Variants in MDGA2 observed in about 807,000 individuals in gnomAD.
MDGA2 encodes the protein MAM domain containing glycosylphosphatidylinositol anchor 2, also known as MAM domain-containing glycosylphosphatidylinositol anchor protein 2.
A neutral mutation model predicts 117.8 loss-of-function variants in MDGA2; 40 were observed. That is an observed-to-expected ratio of 0.34 (90% CI 0.26 to 0.44). MDGA2 has a LOEUF of 0.44. MDGA2 is among the 20% of genes least tolerant of loss of function. The probability of loss-of-function intolerance (pLI) is 1.00; values close to 1 mark genes in which losing one functional copy is unlikely to be tolerated. For synonymous variants in MDGA2, 452 were observed against 439.0 expected, an observed-to-expected ratio of 1.03 and a Z score of -0.37; for missense variants, 1,123 against 1,250.6, an observed-to-expected ratio of 0.90 and a Z score of 1.54.
At chr14:47,328,882 T>C (rs1287824068) in intron 1 of MDGA2, among the ~76,000 whole-genome samples, 1 of 152,110 alleles carries the variant, frequency 6.6e-6, no homozygotes, top group African/African-American at 2.4e-5. Context: ...TGGAAGGCAC[T>C]GCATCCCCAA....
At chr14:47,309,446 G>T (rs1423771694) in intron 1 of MDGA2, among the ~76,000 whole-genome samples, 2 of 152,056 alleles carry the variant, frequency 1.3e-5, no homozygotes, top group Admixed American at 6.6e-5. Context: ...ATCAAGAGAA[G>T]GTTATATCTT....
At chr14:47,559,051 A>G (rs937472633) in intron 1 of MDGA2, among the ~76,000 whole-genome samples, 9 of 152,236 alleles carry the variant, frequency 5.9e-5, no homozygotes, top group African/African-American at 2.2e-4. Flanking sequence ...ACATTAATCA[A>G]TAAGACCTTA....
At chr14:46,891,817 C>CT in intron 10 of MDGA2, among the ~76,000 whole-genome samples, 1 of 150,532 alleles carries the variant, frequency 6.6e-6, no homozygotes, top group East Asian at 1.9e-4. Flanking sequence ...AATGACAAGG[C>CT]TTTTTTATAA....
intron 1 of MDGA2, among the ~76,000 whole-genome samples, chr14:47,318,369 A>G (rs150506742): frequency 6.6e-6 from 1 of 152,126 alleles, no homozygotes; most frequent in South Asian, 2.1e-4. Flanking sequence ...CTTTGCATGC[A>G]TGTTGTTCTC....
chr14:47,221,887 A>C (rs1297817073), intron 2 of MDGA2, among the ~76,000 whole-genome samples: 1 of 152,036 alleles, frequency 6.6e-6, no homozygotes, highest in African/African-American at 2.4e-5. Context: ...TTTTAATATA[A>C]GTTTACATTG....
At chr14:46,901,135 A>C (rs1883267726) in intron 10 of MDGA2, among the ~76,000 whole-genome samples, 1 of 140,852 alleles carries the variant, frequency 7.1e-6, no homozygotes, top group Non-Finnish European at 1.5e-5. Flanking sequence ...AACTTGTTAT[A>C]GTAAATTTTA....
Position 46,845,946 on chromosome 14 carries a change from G to T in MDGA2, c.2884-75C>A, listed in dbSNP as rs991953504. On this transcript the variant is annotated intron_variant, in intron 15 of 16. Coordinates refer to ENST00000399232, the MANE Select transcript of MDGA2 (RefSeq NM_001113498.3). ...TCAGTTTCTCTTGAGAAATCAAGGTGACAAAAATAAACTTGTCAGTAATCC... is the reference window on the plus strand; with the variant it reads ...TCAGTTTCTCTTGAGAAATCAAGGTTACAAAAATAAACTTGTCAGTAATCC... 21 of 1,112,554 alleles carry T rather than the reference G, an allele frequency of 1.9e-5. No individual in the cohort carries two copies. In the African/African-American group the frequency reaches 3.1e-4, roughly 17 times the overall value. The allele number at this position is 1,112,554 out of a possible 1,614,324, so 68.9% of individuals were successfully genotyped here. A position where few individuals can be genotyped will look rare whatever the true frequency, so the allele number is the denominator to read the frequency against.
intron 10 of MDGA2, among the ~76,000 whole-genome samples, chr14:46,883,710 C>T (rs1282729663): frequency 1.3e-5 from 2 of 151,974 alleles, no homozygotes; most frequent in Admixed American, 6.6e-5. Context: ...TTGAAGCTTT[C>T]TTTATTAAAT....
chr14:47,485,969 TA>T, intron 1 of MDGA2, among the ~76,000 whole-genome samples: 1 of 152,280 alleles, frequency 6.6e-6, no homozygotes, highest in Admixed American at 6.5e-5. Context: ...AAGGGAAATG[TA>T]AAGTTGGAGC....
intron 1 of MDGA2, among the ~76,000 whole-genome samples, chr14:47,477,295 C>G (rs1021069741): frequency 1.3e-4 from 20 of 151,828 alleles, no homozygotes; most frequent in African/African-American, 4.6e-4. Flanking sequence ...AGTTTTTAGT[C>G]ATTTTATTTG....
chr14:47,366,570 C>T (rs1426057254), intron 1 of MDGA2, among the ~76,000 whole-genome samples: 1 of 152,014 alleles, frequency 6.6e-6, no homozygotes, highest in African/African-American at 2.4e-5. Context: ...GGTTATAGTT[C>T]AGTAAGTGCT....
intron 3 of MDGA2, among the ~76,000 whole-genome samples, chr14:47,216,874 G>T (rs1352426058): frequency 2.0e-5 from 3 of 152,016 alleles, no homozygotes; most frequent in Non-Finnish European, 2.9e-5. Context: ...ATAAGGAAAG[G>T]GTGGTACAGG....
intron 2 of MDGA2, among the ~76,000 whole-genome samples, chr14:47,279,045 T>C: frequency 6.6e-6 from 1 of 152,208 alleles, no homozygotes; most frequent in Non-Finnish European, 1.5e-5. Context: ...TAGTATATAA[T>C]GTTGCAATGA....
chr14:47,217,909 G>T, intron 3 of MDGA2, 112 bp downstream of exon 3: 1 of 845,766 alleles, frequency 1.2e-6, no homozygotes, highest in Non-Finnish European at 1.7e-6. Flanking sequence ...ATTTTACACA[G>T]TTTTCATTCT....
intron 1 of MDGA2, among the ~76,000 whole-genome samples, chr14:47,396,550 C>T (rs2138449403): frequency 6.6e-6 from 1 of 152,210 alleles, no homozygotes. Flanking sequence ...AGTGAACAGG[C>T]AACCTACAGA....
intron 2 of MDGA2, among the ~76,000 whole-genome samples, chr14:47,289,401 T>G (rs1207536347): frequency 6.6e-6 from 1 of 151,116 alleles, no homozygotes; most frequent in Non-Finnish European, 1.5e-5. Flanking sequence ...TCAATTAATT[T>G]GATTATCATT....
intron 2 of MDGA2, among the ~76,000 whole-genome samples, chr14:47,237,404 A>G (rs891911564): frequency 5.3e-5 from 8 of 152,158 alleles, no homozygotes; most frequent in African/African-American, 1.9e-4. Context: ...ACCTGAGACA[A>G]TGCAGTAGAA....
At chr14:47,173,989 G>T (rs375109112) in intron 3 of MDGA2, among the ~76,000 whole-genome samples, 8 of 151,934 alleles carry the variant, frequency 5.3e-5, no homozygotes, top group African/African-American at 1.9e-4. Context: ...AAAGGCATGG[G>T]TTGCAATACT....
At chr14:47,083,713 G>C (rs1890790690) in intron 6 of MDGA2, among the ~76,000 whole-genome samples, 1 of 151,900 alleles carries the variant, frequency 6.6e-6, no homozygotes, top group South Asian at 2.1e-4. Flanking sequence ...TAATGATATA[G>C]GTAGGTTAAA....
Sources: gnomAD v4.1 joint callset for allele counts (sites outside exome capture counted in the v4.1 genomes callset) on GRCh38, gnomAD v4.1.1 for gene constraint, MANE v1.5 for transcripts, NCBI Gene and HGNC (gene_info 2026-07-23, HGNC 2026-07-21) for gene names.